Variants in GFRA1 observed in about 807,000 individuals in gnomAD.
GFRA1 encodes the protein GDNF family receptor alpha 1.
GFRA1 carries 16 observed loss-of-function variants against 51.6 expected under a neutral mutation model. The ratio of observed to expected loss-of-function variants is 0.31; its 90% confidence interval spans 0.21 to 0.47. The LOEUF (loss-of-function observed/expected upper bound fraction) is 0.47. Among genes scored for constraint, GFRA1 ranks in the 20% least tolerant of loss-of-function variants. The pLI, the probability that GFRA1 is intolerant of heterozygous loss-of-function variation, is 1.00. For synonymous variants in GFRA1, 270 were observed against 241.3 expected (o/e 1.12, Z -1.10); for missense variants, 530 against 594.3 (o/e 0.89, Z 1.13).
At chr10:116,165,779 C>T (rs573110571) in intron 5 of GFRA1, among the ~76,000 whole-genome samples, 1 of 151,800 alleles carries the variant, frequency 6.6e-6, no homozygotes, top group Non-Finnish European at 1.5e-5. Flanking sequence ...GACCTTGTGG[C>T]GATTTATTTT....
rs34371262 is a variant in GFRA1 at position 116,270,874 on chromosome 10, C to T, written c.282G>A (p.Lys94=). The T allele has an allele frequency of 7.3e-4, 1,175 of 1,614,026 alleles. 8 individuals are homozygous for T. The African/African-American group carries it at 0.014, about 19-fold the overall frequency. The change falls in exon 3 of 11, where the codon AAG becomes AAA. Residue 94 remains lysine (K), a synonymous_variant. Transcript: ENST00000355422. ...AAATGCGCAGGCAGTTCTTCTCCTTCTTCATACCCCGCTTGCAGCGGCAGT... is the reference window on the plus strand; with the variant it reads ...AAATGCGCAGGCAGTTCTTCTCCTTTTTCATACCCCGCTTGCAGCGGCAGT... ...LYNCRCKRGM[K]KEKNCLRIYW...
At position 116,095,460 on chromosome 10, in the gene GFRA1, A is replaced by G. The variant is rs117340850; in HGVS notation, c.880+1195T>C. 1.1e-4 allele frequency among the ~76,000 whole-genome samples: 17 copies of G among 152,308 alleles called. No homozygotes were observed. In the East Asian group the frequency reaches 2.9e-3, roughly 26 times the overall value. ...ATTCCATAGTTGATACATCATCCCT[A>G]GCAGAGATTAACTTACTCGGGAAAA... On this transcript the variant is annotated intron_variant, in intron 7 of 10. Transcript: ENST00000355422.
At chr10:116,098,828 G>T (rs1169537104) in intron 6 of GFRA1, among the ~76,000 whole-genome samples, 1 of 152,226 alleles carries the variant, frequency 6.6e-6, no homozygotes, top group East Asian at 1.9e-4. Context: ...TTGGACTCTG[G>T]AATGAAAGGC....
At chr10:116,113,957 T>A (rs531807873) in intron 6 of GFRA1, among the ~76,000 whole-genome samples, 4 of 152,136 alleles carry the variant, frequency 2.6e-5, no homozygotes, top group African/African-American at 9.7e-5. Flanking sequence ...CCTACAACCA[T>A]GTCCCCGGCT....
At chr10:116,214,234 G>C (rs1395485638) in intron 4 of GFRA1, among the ~76,000 whole-genome samples, 1 of 152,216 alleles carries the variant, frequency 6.6e-6, no homozygotes, top group Non-Finnish European at 1.5e-5. Flanking sequence ...TTCCCACAGA[G>C]AGGGAATTCA....
At chr10:116,203,316 G>A (rs1156355451) in intron 5 of GFRA1, among the ~76,000 whole-genome samples, 1 of 152,204 alleles carries the variant, frequency 6.6e-6, no homozygotes, top group African/African-American at 2.4e-5. Context: ...CAAAAACAAT[G>A]CGAGTGGGGC....
In GFRA1 at chr10:116,166,967, T is replaced by C. The variant is rs541812476; in HGVS notation, c.434-41410A>G. Among the ~76,000 whole-genome samples the C allele has an allele frequency of 2.6e-5, 4 of 151,626 alleles. No individual in the cohort carries two copies. The East Asian group carries it at 7.8e-4, about 30-fold the overall frequency. On this transcript the variant is annotated intron_variant, in intron 5 of 10. Transcript: ENST00000355422. The stretch of plus-strand genomic sequence containing the variant: ...GGCGCCCGCCTCCACACCCGGCTAA[T>C]TTTTTGTATTTTTAGTAGAGATGGG...
chr10:116,101,489 G>T (rs1956814323), intron 6 of GFRA1, among the ~76,000 whole-genome samples: 2 of 152,134 alleles, frequency 1.3e-5, no homozygotes, highest in African/African-American at 4.8e-5. Flanking sequence ...AGAAACCATG[G>T]TTTATGCAGA....
intron 5 of GFRA1, among the ~76,000 whole-genome samples, chr10:116,189,558 CTTAAGT>C (rs763552246): frequency 1.3e-4 from 20 of 152,160 alleles, no homozygotes; most frequent in South Asian, 2.1e-4. Flanking sequence ...AATGAACTAT[CTTAAGT>C]TTAATTCTCT....
chr10:116,082,543 C>T (rs900222488), intron 9 of GFRA1, among the ~76,000 whole-genome samples: 3 of 151,892 alleles, frequency 2.0e-5, no homozygotes, highest in African/African-American at 4.8e-5. Context: ...CGTAATGGTG[C>T]GATCTTGGCT....
At chr10:116,167,042 G>A (rs774892525) in intron 5 of GFRA1, among the ~76,000 whole-genome samples, 15 of 151,750 alleles carry the variant, frequency 9.9e-5, no homozygotes, top group Admixed American at 2.6e-4. Flanking sequence ...CTCCTGATCC[G>A]CCCGTCTCGG....
At chr10:116,080,516 AAG>A (rs1452839061) in intron 9 of GFRA1, among the ~76,000 whole-genome samples, 3 of 152,228 alleles carry the variant, frequency 2.0e-5, no homozygotes, top group Non-Finnish European at 2.9e-5. Context: ...TAAAAAATAA[AAG>A]AAGTTTCACG....
intron 4 of GFRA1, among the ~76,000 whole-genome samples, chr10:116,225,170 T>C (rs1966189896): frequency 6.6e-6 from 1 of 152,100 alleles, no homozygotes; most frequent in Non-Finnish European, 1.5e-5. Flanking sequence ...AGACACCAGA[T>C]TACAAAAACT....
At chr10:116,163,853 C>T (rs963726761) in intron 5 of GFRA1, among the ~76,000 whole-genome samples, 2 of 152,244 alleles carry the variant, frequency 1.3e-5, no homozygotes, top group Non-Finnish European at 2.9e-5. Flanking sequence ...GAGTGAACCT[C>T]CAAGGGTCTG....
At chr10:116,178,722 A>G (rs1189810572) in intron 5 of GFRA1, among the ~76,000 whole-genome samples, 1 of 152,220 alleles carries the variant, frequency 6.6e-6, no homozygotes, top group African/African-American at 2.4e-5. Flanking sequence ...GGGAGCCCTG[A>G]GCGAGGCTGG....
intron 5 of GFRA1, among the ~76,000 whole-genome samples, chr10:116,147,916 T>C (rs1241016838): frequency 6.6e-6 from 1 of 151,832 alleles, no homozygotes; most frequent in East Asian, 1.9e-4. Context: ...TTTTTTGGAA[T>C]ACAAGTTGTA....
intron 5 of GFRA1, among the ~76,000 whole-genome samples, chr10:116,192,317 T>G (rs1366309514): frequency 6.6e-6 from 1 of 152,098 alleles, no homozygotes; most frequent in Non-Finnish European, 1.5e-5. Flanking sequence ...CAGGTGTGCA[T>G]ATGAGGCCTT....
intron 4 of GFRA1, among the ~76,000 whole-genome samples, chr10:116,236,013 G>A (rs1311048425): frequency 6.6e-6 from 1 of 152,126 alleles, no homozygotes; most frequent in Non-Finnish European, 1.5e-5. Context: ...CTAAGACACA[G>A]CCTATCTCTG....
chr10:116,217,436 C>T (rs1965638124), intron 4 of GFRA1, among the ~76,000 whole-genome samples: 1 of 152,258 alleles, frequency 6.6e-6, no homozygotes, highest in Non-Finnish European at 1.5e-5. Context: ...TCAATCCTGG[C>T]AAAGGCCAGC....
Sources: allele counts gnomAD v4.1 joint callset (sites outside exome capture counted in the v4.1 genomes callset), GRCh38; gene constraint gnomAD v4.1.1; transcripts MANE v1.5; gene names NCBI Gene and HGNC (gene_info 2026-07-23, HGNC 2026-07-21).